The following ACBD3 variants were observed in gnomAD, a reference collection of about 807,000 sequenced individuals.
The protein encoded by ACBD3 is Golgi resident protein GCP60.
Under a neutral mutation model 66.9 loss-of-function variants are expected in ACBD3, and 30 were observed. The ratio of observed to expected loss-of-function variants is 0.45; its 90% CI spans 0.34 to 0.61. The LOEUF (loss-of-function observed/expected upper bound fraction) is 0.61. ACBD3 is among the 20% of genes least tolerant of loss of function. ACBD3 has a pLI of 0.02. For missense variants in ACBD3, 544 were observed against 664.5 expected (o/e 0.82, Z 1.99); for synonymous variants, 278 against 259.8 (o/e 1.07, Z -0.68).
At chr1:226,177,397 G>C (rs540472352) in intron 1 of ACBD3, among the ~76,000 whole-genome samples, 1 of 145,856 alleles carries the variant, frequency 6.9e-6, no homozygotes, top group Non-Finnish European at 1.5e-5. Context: ...GGGTTTCACC[G>C]CATTAGCCAG....
intron 3 of ACBD3, among the ~76,000 whole-genome samples, chr1:226,164,111 C>G (rs1405353734): frequency 1.1e-5 from 1 of 87,788 alleles, no homozygotes; most frequent in Non-Finnish European, 2.1e-5. Flanking sequence ...AGCAAGACTC[C>G]ATCTTAAAAA....
intron 1 of ACBD3, among the ~76,000 whole-genome samples, chr1:226,166,678 G>A (rs150023926): frequency 7.9e-5 from 12 of 151,194 alleles, no homozygotes; most frequent in African/African-American, 2.7e-4. Context: ...GTAGAGACAA[G>A]GTCTCACTAT....
At chr1:226,157,405 A>G (rs928519461) in intron 5 of ACBD3, among the ~76,000 whole-genome samples, 1 of 151,962 alleles carries the variant, frequency 6.6e-6, no homozygotes, top group Admixed American at 6.6e-5. Context: ...ATGCCAGGCT[A>G]ATTTTGTATT....
At position 226,146,715 on chromosome 1, in the gene ACBD3, G is replaced by A. The variant is rs1659459671; in HGVS notation, c.1482C>T (p.Gly494=). Residue 494 remains glycine, a synonymous_variant, in exon 8 of 8, where the codon GGC becomes GGT. Coordinates refer to ENST00000366812, the MANE Select transcript of ACBD3 (RefSeq NM_022735.4). ...RRDCHEEVYA[G]SHQYPGRGVY... is the part of the protein sequence containing the mutation. The stretch of plus-strand genomic sequence containing the variant: ...CTCCTCTCCCTGGATATTGATGGCT[G>A]CCAGCATACACCTCCTCATGACAGT... 1.9e-6 allele frequency: 3 copies of A among 1,613,870 alleles called. No individual in the cohort carries two copies. The Admixed American group carries it at 5.0e-5, about 27-fold the overall frequency.
intron 1 of ACBD3, among the ~76,000 whole-genome samples, chr1:226,178,287 G>A (rs577723542): frequency 6.6e-4 from 101 of 151,950 alleles, no homozygotes; most frequent in Non-Finnish European, 1.0e-3. Flanking sequence ...AAGACTATTA[G>A]GGGCTGGGCG....
rs957065860 is a variant in ACBD3, at chr1:226,146,138, G to A, written c.*472C>T. ...CTTTTTCTATTATAATCTGTGAGGT[G>A]TTGAGTTTTTAAGTTTTAAAAATGG... On this transcript the variant is annotated 3_prime_UTR_variant, in exon 8 of 8. Coordinates refer to ENST00000366812, the MANE Select transcript of ACBD3 (RefSeq NM_022735.4). The A allele has an allele frequency of 6.4e-6, 1 of 155,302 alleles. No individual in the cohort carries two copies. Among genetic ancestry groups the A allele is most frequent in the Middle Eastern group, 3.1e-3 (1 of 318 alleles). The allele number at this position is 155,302 out of a possible 1,614,324, so 9.6% of individuals were successfully genotyped here.
intron 1 of ACBD3, among the ~76,000 whole-genome samples, chr1:226,186,184 T>G (rs1420211669): frequency 6.6e-6 from 1 of 152,182 alleles, no homozygotes; most frequent in Non-Finnish European, 1.5e-5. Flanking sequence ...TAAACCAAGG[T>G]TGCAGGCCCG....
chr1:226,152,443 C>T lies in ACBD3; in HGVS notation c.1267G>A (p.Asp423Asn), dbSNP rs1380153792. 1 of 1,614,092 alleles carries T rather than the reference C, an allele frequency of 6.2e-7. No individual in the cohort carries two copies. The highest frequency in any genetic ancestry group is 8.5e-7 in the Non-Finnish European group (1 of 1,180,050). ...ACCCCAAACCCAATGTCATAATTGT[C>T]TGTGGCAAATTCCCAAAAGAGATAT... is the stretch of plus-strand genomic sequence containing the variant. ...GSYLFWEFAT[D>N]NYDIGFGVYF... Residue 423 changes from aspartate to asparagine, a missense_variant, in exon 7 of 8, where the codon GAC becomes AAC. This residue lies in a region of ACBD3 where 383 missense variants were observed against 462.4 expected (regional missense o/e 0.83). Coordinates refer to ENST00000366812, the MANE Select transcript of ACBD3 (RefSeq NM_022735.4).
intron 1 of ACBD3, among the ~76,000 whole-genome samples, chr1:226,168,172 T>C (rs1185288985): frequency 6.6e-6 from 1 of 152,240 alleles, no homozygotes; most frequent in Non-Finnish European, 1.5e-5. Flanking sequence ...TATATTTGTA[T>C]ATTGTAATTA....
In ACBD3 at chr1:226,167,719, A is replaced by C. The variant is rs3845505; in HGVS notation, c.287-1719T>G. Among the ~76,000 whole-genome samples the C allele has an allele frequency of 0.014, 2,065 of 152,318 alleles. 117 individuals are homozygous for C. The East Asian group carries it at 0.19, about 14-fold the overall frequency. ...CTACTTATATGTCTCATTCATGTAT[A>C]TAGTGGTGAAATAAAATCACTAATA... is the stretch of plus-strand genomic sequence containing the variant. On this transcript the variant is annotated intron_variant, in intron 1 of 7. Coordinates refer to ENST00000366812, the MANE Select transcript of ACBD3 (RefSeq NM_022735.4).
chr1:226,184,837 C>CGCCCA (rs1656256493), intron 1 of ACBD3, among the ~76,000 whole-genome samples: 1 of 149,216 alleles, frequency 6.7e-6, no homozygotes, highest in African/African-American at 2.5e-5. Context: ...TTTTGCTCGT[C>CGCCCA]GCCCAGGCTG....
intron 6 of ACBD3, 88 bp from the exon 7 acceptor site, chr1:226,152,707 T>C (rs1659601679): frequency 7.7e-7 from 1 of 1,300,842 alleles, no homozygotes; most frequent in Non-Finnish European, 1.1e-6. Context: ...TGATCAGTTG[T>C]ACTCAGGCAC....
At chr1:226,166,474 C>A (rs774379136) in intron 1 of ACBD3, among the ~76,000 whole-genome samples, 14 of 150,390 alleles carry the variant, frequency 9.3e-5, no homozygotes, top group African/African-American at 3.0e-4. Context: ...GACGGAAATC[C>A]GGTATGCTGA....
chr1:226,148,686 GCTT>G (rs1237844077), intron 7 of ACBD3, among the ~76,000 whole-genome samples: 2 of 152,186 alleles, frequency 1.3e-5, no homozygotes, highest in African/African-American at 4.8e-5. Context: ...TACCATCCAT[GCTT>G]CTTCAGAGAA....
intron 1 of ACBD3, among the ~76,000 whole-genome samples, chr1:226,167,873 C>A (rs1576236680): frequency 6.6e-6 from 1 of 152,098 alleles, no homozygotes; most frequent in South Asian, 2.1e-4. Flanking sequence ...GCATTAGATA[C>A]CAAGACCCCC....
chr1:226,161,892 G>T (rs1659781952), intron 3 of ACBD3, among the ~76,000 whole-genome samples: 1 of 152,158 alleles, frequency 6.6e-6, no homozygotes, highest in Admixed American at 6.5e-5. Flanking sequence ...AATAATTATT[G>T]TTGCACAGCA....
chr1:226,155,635 C>T (rs973135799), intron 5 of ACBD3, among the ~76,000 whole-genome samples: 1 of 151,740 alleles, frequency 6.6e-6, no homozygotes, highest in Admixed American at 6.6e-5. Context: ...CTGGTATGGG[C>T]CCCCAAAGCA....
At chr1:226,185,459 ACCACTTTTAAAGTTGCATTTGCTGATGT>A (rs1656276255) in intron 1 of ACBD3, among the ~76,000 whole-genome samples, 1 of 152,176 alleles carries the variant, frequency 6.6e-6, no homozygotes, top group African/African-American at 2.4e-5. Flanking sequence ...GAACCTAGCA[ACCACTTTTAAAGTTGCATTTGCTGATGT>A]CCCTCCCTGT....
chr1:226,146,172 C>T lies in ACBD3; in HGVS notation c.*438G>A, dbSNP rs1659444803. ...TTAAGTTTTAAAAATGGCCTTTAAT[C>T]AAAGCCAGCTGCACCTGATATAGAC... On this transcript the variant is annotated 3_prime_UTR_variant, in exon 8 of 8. Transcript: ENST00000366812. 6.4e-6 allele frequency: 1 copy of T among 155,480 alleles called. No individual in the cohort carries two copies. Among genetic ancestry groups the T allele is most frequent in the Non-Finnish European group, 1.4e-5 (1 of 70,072 alleles). The allele number at this position is 155,480 out of a possible 1,614,324, so 9.6% of individuals were successfully genotyped here.
Sources: gnomAD v4.1 joint callset for allele counts (sites outside exome capture counted in the v4.1 genomes callset) on GRCh38, gnomAD v4.1.1 for gene constraint, gnomAD v4.1.1 regional missense constraint, MANE v1.5 for transcripts, NCBI Gene and HGNC (gene_info 2026-07-23, HGNC 2026-07-21) for gene names.